ELF1: variants seen among roughly 807,000 people sequenced by gnomAD.
ELF1 encodes ETS-related transcription factor Elf-1.
ELF1 carries 24 observed loss-of-function variants against 59.9 expected under a neutral mutation model. The ratio of observed to expected loss-of-function variants is 0.40; its 90% CI spans 0.29 to 0.56. ELF1 has a LOEUF of 0.56. Ranked by LOEUF, ELF1 falls within the 20% of genes least tolerant of loss-of-function variation. ELF1 has a pLI of 0.44. For missense variants in ELF1, 627 were observed against 742.2 expected (o/e 0.84, Z 1.80); for synonymous variants, 248 against 266.2 (o/e 0.93, Z 0.67).
At chr13:41,023,674 G>A (rs1187071789), upstream of ELF1, among the ~76,000 whole-genome samples, 4 of 152,276 alleles carry the variant, frequency 2.6e-5, no homozygotes, top group East Asian at 5.8e-4. Flanking sequence ...TCCCACTTCT[G>A]CACGGACAGG....
Position 40,949,990 on chromosome 13 carries a change from C to A in ELF1, c.362-17G>T, listed in dbSNP as rs1028318528. 1.9e-6 allele frequency: 3 copies of A among 1,582,480 alleles called. No homozygotes were observed. The African/African-American group carries it at 4.1e-5, about 22-fold the overall frequency. ...TATTATTATCTAATGAAAATAAAATCAACTAATTATAGTCCACTGTGTATT... is the reference window on the plus strand; with the variant it reads ...TATTATTATCTAATGAAAATAAAATAAACTAATTATAGTCCACTGTGTATT... On this transcript the variant is annotated splice_polypyrimidine_tract_variant and intron_variant, in intron 4 of 8. Coordinates refer to ENST00000239882, the MANE Select transcript of ELF1 (RefSeq NM_172373.4).
At chr13:40,973,493 CCTAT>C (rs1466459759) in intron 2 of ELF1, among the ~76,000 whole-genome samples, 3 of 152,042 alleles carry the variant, frequency 2.0e-5, no homozygotes, top group East Asian at 1.9e-4. Context: ...TATATAACTG[CCTAT>C]CTTTTATGTG....
At chr13:41,024,837 C>T (rs1269764934) in intron 1 of ELF1, among the ~76,000 whole-genome samples, 1 of 152,120 alleles carries the variant, frequency 6.6e-6, no homozygotes, top group Non-Finnish European at 1.5e-5. Context: ...AACTTAAGCT[C>T]CTCCTTTGCT....
At chr13:41,010,587 T>C (rs989363112) in intron 1 of ELF1, among the ~76,000 whole-genome samples, 4 of 152,102 alleles carry the variant, frequency 2.6e-5, no homozygotes, top group African/African-American at 7.2e-5. Flanking sequence ...CTAATCTTTA[T>C]ATAATTATAA....
intron 1 of ELF1, among the ~76,000 whole-genome samples, chr13:41,047,613 T>C (rs1876909981): frequency 6.6e-6 from 1 of 152,104 alleles, no homozygotes; most frequent in South Asian, 2.1e-4. Flanking sequence ...GAACAGCAAA[T>C]GTTGCTGCCT....
intron 1 of ELF1, among the ~76,000 whole-genome samples, chr13:40,991,015 T>C (rs571243030): frequency 1.8e-4 from 27 of 152,326 alleles, no homozygotes; most frequent in Admixed American, 9.1e-4. Flanking sequence ...TTTGATATCA[T>C]GTGATAAGCA....
At position 40,933,525 on chromosome 13, in the gene ELF1, T is replaced by G. The variant is rs1335563866; in HGVS notation, c.1760A>C (p.Gln587Pro). Residue 587 changes from glutamine (Q) to proline (P), a missense_variant, in exon 9 of 9, where the codon CAG (glutamine) becomes CCG (proline). By Grantham distance (76) the Gln-to-Pro change is moderately conservative (BLOSUM62 -1). This residue lies in a region of ELF1 where 361 missense variants were observed against 396.1 expected (regional missense o/e 0.91). Transcript: ENST00000239882. The stretch of plus-strand genomic sequence containing the variant: ...TACCATCACATAAGGCTGTGGCTGC[T>G]GCTCCGTTTTCTCAGTGTTCTCTTT... ...HLKENTEKTE[Q>P]QPQPYVMVVS... 6.2e-7 allele frequency: 1 copy of G among 1,614,280 alleles called. No individual in the cohort carries two copies. The highest frequency in any genetic ancestry group is 1.7e-5 in the Admixed American group (1 of 60,032).
At chr13:41,004,163 GA>G (rs1288965226) in intron 1 of ELF1, among the ~76,000 whole-genome samples, 1 of 151,908 alleles carries the variant, frequency 6.6e-6, no homozygotes, top group African/African-American at 2.4e-5. Flanking sequence ...CATCTAAAAA[GA>G]AACAATGTAA....
intron 2 of ELF1, among the ~76,000 whole-genome samples, chr13:40,959,848 A>G (rs573679562): frequency 6.6e-6 from 1 of 152,232 alleles, no homozygotes; most frequent in Non-Finnish European, 1.5e-5. Flanking sequence ...ACCTCATTTT[A>G]TAGATGAGGA....
At chr13:41,012,510 A>T in intron 1 of ELF1, among the ~76,000 whole-genome samples, 1 of 147,422 alleles carries the variant, frequency 6.8e-6, no homozygotes, top group Non-Finnish European at 1.5e-5. Context: ...TCCTTCTTTG[A>T]CTATTCTAAG....
At chr13:41,030,605 G>A (rs1359906474) in intron 1 of ELF1, among the ~76,000 whole-genome samples, 1 of 151,874 alleles carries the variant, frequency 6.6e-6, no homozygotes, top group Non-Finnish European at 1.5e-5. Flanking sequence ...ATAAAAATTA[G>A]CCAGACTTGG....
intron 2 of ELF1, among the ~76,000 whole-genome samples, chr13:40,959,583 TA>T (rs1871682709): frequency 6.6e-6 from 1 of 152,138 alleles, no homozygotes; most frequent in Admixed American, 6.5e-5. Context: ...AAATGTTAAT[TA>T]AATCAAATCT....
chr13:41,031,089 G>T (rs1386606477), intron 1 of ELF1, among the ~76,000 whole-genome samples: 1 of 151,374 alleles, frequency 6.6e-6, no homozygotes, highest in Non-Finnish European at 1.5e-5. Flanking sequence ...AAGCCAAGAG[G>T]TTGAGGCTGC....
exon 1 of ELF1, chr13:41,061,252 T>G: frequency 3.7e-6 from 1 of 267,886 alleles, no homozygotes; most frequent in Non-Finnish European, 7.4e-6. Context: ...GCTGAGCTCC[T>G]TGGCCTTGAG....
chr13:41,036,168 G>T (rs1351926621), intron 1 of ELF1, among the ~76,000 whole-genome samples: 1 of 151,574 alleles, frequency 6.6e-6, no homozygotes, highest in African/African-American at 2.4e-5. Flanking sequence ...CACCCGTCTC[G>T]GCCTCCCAAA....
At chr13:40,934,498 C>T (rs114142957) in intron 8 of ELF1, among the ~76,000 whole-genome samples, 9 of 144,736 alleles carry the variant, frequency 6.2e-5, no homozygotes, top group African/African-American at 2.3e-4. Flanking sequence ...TCTTGGCTCA[C>T]TGTAGCTTCT....
intron 1 of ELF1, among the ~76,000 whole-genome samples, chr13:41,031,202 C>A (rs1258079895): frequency 6.6e-6 from 1 of 150,980 alleles, no homozygotes; most frequent in Non-Finnish European, 1.5e-5. Flanking sequence ...AAAAGAAAAG[C>A]AGTACCTTTA....
intron 1 of ELF1, among the ~76,000 whole-genome samples, chr13:40,999,377 A>G (rs1259601553): frequency 6.6e-6 from 1 of 152,050 alleles, no homozygotes; most frequent in African/African-American, 2.4e-5. Context: ...GTAAAAATAT[A>G]TTGTGTCTGT....
In ELF1 at chr13:40,942,893, T is replaced by C. The variant is rs534783088; in HGVS notation, c.806+59A>G. 17 of 1,419,178 alleles carry C rather than the reference T, an allele frequency of 1.2e-5. No homozygotes were observed. The South Asian group carries it at 2.5e-4, about 21-fold the overall frequency. The allele number at this position is 1,419,178 out of a possible 1,614,324, so 87.9% of individuals were successfully genotyped here. ...TTTGCTGAACTTAAGCTTAGTATTT[T>C]TTTTTACAATTTAGAAAATGATATT... is the stretch of plus-strand genomic sequence containing the variant. On this transcript the variant is annotated intron_variant, in intron 7 of 8. Transcript: ENST00000239882.
Sources: allele counts gnomAD v4.1 joint callset (sites outside exome capture counted in the v4.1 genomes callset), GRCh38; gene constraint gnomAD v4.1.1; regional missense constraint gnomAD v4.1.1; transcripts MANE v1.5; gene names NCBI Gene and HGNC (gene_info 2026-07-23, HGNC 2026-07-21).